The following DCDC1 variants were observed in gnomAD, a reference collection of about 807,000 sequenced individuals.
DCDC1 encodes doublecortin domain containing 1, also known as doublecortin domain-containing protein 1.
DCDC1 carries 200 observed loss-of-function variants against 178.3 expected under a neutral mutation model. That is an observed-to-expected ratio of 1.12 (90% CI 1.00 to 1.26). DCDC1 has a LOEUF of 1.26. Ranked by LOEUF, DCDC1 falls within the 50% of genes most tolerant of loss-of-function variation. DCDC1 has a pLI of 0.00. For missense variants in DCDC1, 1,983 were observed against 1,749.2 expected (o/e 1.13, Z -2.38); for synonymous variants, 690 against 604.8 (o/e 1.14, Z -2.07).
intron 7 of DCDC1, among the ~76,000 whole-genome samples, chr11:31,282,442 A>G (rs756253702): frequency 2.0e-5 from 3 of 151,668 alleles, no homozygotes; most frequent in African/African-American, 7.2e-5. Context: ...AATATAATCA[A>G]TTAAGATAAA....
intron 21 of DCDC1, among the ~76,000 whole-genome samples, chr11:30,937,050 C>G (rs570142171): frequency 1.6e-3 from 242 of 152,114 alleles, no homozygotes; most frequent in Non-Finnish European, 2.8e-3. Context: ...GGAGGCTCAT[C>G]ATTACCTTTA....
At chr11:31,302,026 A>G (rs1321308635) in intron 6 of DCDC1, among the ~76,000 whole-genome samples, 4 of 152,196 alleles carry the variant, frequency 2.6e-5, no homozygotes, top group Admixed American at 2.0e-4. Context: ...CAGGACTGAA[A>G]TGAATCACTG....
chr11:31,296,478 T>C (rs892389930), intron 6 of DCDC1, among the ~76,000 whole-genome samples: 1 of 152,160 alleles, frequency 6.6e-6, no homozygotes, highest in Non-Finnish European at 1.5e-5. Flanking sequence ...CTTTCCCACA[T>C]CTTTCTGTCT....
intron 20 of DCDC1, among the ~76,000 whole-genome samples, chr11:31,050,935 C>T (rs1249598920): frequency 2.0e-4 from 31 of 152,050 alleles, no homozygotes. Context: ...TTCAACACCC[C>T]CAAAAAACCA....
intron 3 of DCDC1, among the ~76,000 whole-genome samples, chr11:31,308,911 T>C (rs927141941): frequency 6.6e-6 from 1 of 152,010 alleles, no homozygotes; most frequent in Non-Finnish European, 1.5e-5. Flanking sequence ...CAATAGTTAT[T>C]GCATAATATA....
chr11:30,973,290 AT>A (rs1186644823), intron 20 of DCDC1, among the ~76,000 whole-genome samples: 1 of 149,814 alleles, frequency 6.7e-6, no homozygotes, highest in Non-Finnish European at 1.5e-5. Flanking sequence ...AAAAAAAAAA[AT>A]GTAGCATCTC....
intron 17 of DCDC1, among the ~76,000 whole-genome samples, chr11:31,085,665 T>TC (rs1248437878): frequency 6.6e-6 from 1 of 151,794 alleles, no homozygotes; most frequent in Non-Finnish European, 1.5e-5. Context: ...AGTTTTTTTT[T>TC]CTGTAGGCTT....
Position 31,100,767 on chromosome 11 carries a change from C to T in DCDC1, c.1983+1410G>A, listed in dbSNP as rs571433062. 1.1e-4 allele frequency among the ~76,000 whole-genome samples: 17 copies of T among 152,152 alleles called. No individual in the cohort carries two copies. The South Asian group carries it at 1.2e-3, about 11-fold the overall frequency. On this transcript the variant is annotated intron_variant, in intron 15 of 38. Transcript: ENST00000684477. ...ATCATGGGGATCAATGAAGTCCAGA[C>T]GAAAATTCGGAACTTCAAATGGCAA... is the stretch of plus-strand genomic sequence containing the variant.
chr11:30,965,084 A>G (rs1949348186), intron 20 of DCDC1, among the ~76,000 whole-genome samples: 1 of 152,186 alleles, frequency 6.6e-6, no homozygotes, highest in South Asian at 2.1e-4. Flanking sequence ...GTGGAGTGCA[A>G]AGGATAAAGC....
At chr11:30,886,125 A>C (rs1943145830) in intron 36 of DCDC1, among the ~76,000 whole-genome samples, 2 of 152,160 alleles carry the variant, frequency 1.3e-5, no homozygotes, top group African/African-American at 4.8e-5. Context: ...AAAGGAAAAA[A>C]AAATTATCAT....
At chr11:31,290,914 A>C in intron 6 of DCDC1, 62 bp from the exon 7 acceptor site, 3 of 1,444,542 alleles carry the variant, frequency 2.1e-6, no homozygotes, top group Non-Finnish European at 1.9e-6. Context: ...TGGACACATC[A>C]TACTTCCCTC....
intron 20 of DCDC1, among the ~76,000 whole-genome samples, chr11:30,958,789 C>A (rs953186231): frequency 2.6e-5 from 4 of 152,110 alleles, no homozygotes; most frequent in African/African-American, 9.7e-5. Context: ...GGTAACACTT[C>A]TGCCAGTGGA....
chr11:31,071,109 T>C (rs909351254), intron 18 of DCDC1, among the ~76,000 whole-genome samples: 3 of 152,202 alleles, frequency 2.0e-5, no homozygotes, highest in African/African-American at 7.2e-5. Flanking sequence ...TATACATGTT[T>C]ATGTACAACG....
chr11:31,179,201 G>A lies in DCDC1; in HGVS notation c.1222-41417C>T, dbSNP rs139228379. Among the ~76,000 whole-genome samples the A allele has an allele frequency of 6.7e-4, 102 of 152,300 alleles. 1 individual carries two copies. Among genetic ancestry groups the A allele is most frequent in the African/African-American group, 2.2e-3 (90 of 41,552 alleles). On this transcript the variant is annotated intron_variant, in intron 9 of 38. Transcript: ENST00000684477. ...AAAGAAAACAAGTGTTAGCTGGGAT[G>A]TGGAGAAAAGGGAAAAGGAAAACCT...
At chr11:31,190,519 T>C (rs1342699269) in intron 9 of DCDC1, among the ~76,000 whole-genome samples, 1 of 152,110 alleles carries the variant, frequency 6.6e-6, no homozygotes, top group Admixed American at 6.6e-5. Flanking sequence ...TGTTTCCAAA[T>C]TGTAATTGCA....
rs1051817327 is a variant in DCDC1 at position 31,157,758 on chromosome 11, T to C, written c.1222-19974A>G. Reference sequence around the variant, plus strand: ...AAGATGAAAAATGTCTAGAAATGCATGGCAATGATGGTGGTAGAACAATGT... The same window carrying C: ...AAGATGAAAAATGTCTAGAAATGCACGGCAATGATGGTGGTAGAACAATGT... On this transcript the variant is annotated intron_variant, in intron 9 of 38. Transcript: ENST00000684477. 3.3e-5 allele frequency among the ~76,000 whole-genome samples: 5 copies of C among 152,132 alleles called. No individual in the cohort carries two copies. The South Asian group carries it at 8.3e-4, about 25-fold the overall frequency.
chr11:30,889,671 A>G (rs1160401129), intron 36 of DCDC1, among the ~76,000 whole-genome samples: 1 of 152,220 alleles, frequency 6.6e-6, no homozygotes, highest in Non-Finnish European at 1.5e-5. Flanking sequence ...GCCCGTAAAG[A>G]CAAAAATACA....
At chr11:30,885,366 C>T (rs1254294001) in intron 36 of DCDC1, among the ~76,000 whole-genome samples, 4 of 151,750 alleles carry the variant, frequency 2.6e-5, no homozygotes, top group Non-Finnish European at 5.9e-5. Context: ...AATGAATAAA[C>T]TTATAAAATG....
chr11:31,099,151 C>T (rs2135718186), intron 15 of DCDC1, among the ~76,000 whole-genome samples: 1 of 152,172 alleles, frequency 6.6e-6, no homozygotes, highest in South Asian at 2.1e-4. Context: ...CTTTGCTATC[C>T]AATTGTTTTT....
Sources: gnomAD v4.1 joint callset for allele counts (sites outside exome capture counted in the v4.1 genomes callset) on GRCh38, gnomAD v4.1.1 for gene constraint, MANE v1.5 for transcripts, NCBI Gene and HGNC (gene_info 2026-07-23, HGNC 2026-07-21) for gene names.